The following NR2F1-AS1 variants were observed in gnomAD, a reference collection of about 807,000 sequenced individuals.
NR2F1-AS1 encodes the protein NR2F1 antisense RNA 1.
chr5:93,570,869 C>A (rs1169882712), intron 1 of NR2F1-AS1: 3 of 152,196 alleles, frequency 2.0e-5, no homozygotes, highest in Non-Finnish European at 4.4e-5. Flanking sequence ...CCGCTCCCTG[C>A]GGGGCCGCGC....
intron 4 of NR2F1-AS1, among the ~76,000 whole-genome samples, chr5:93,506,001 C>T (rs1233144467): frequency 6.6e-6 from 1 of 152,174 alleles, no homozygotes; most frequent in Non-Finnish European, 1.5e-5. Context: ...TCATCAGGAA[C>T]TTTTATGCTC....
intron 2 of NR2F1-AS1, among the ~76,000 whole-genome samples, chr5:93,558,416 G>A (rs1245686282): frequency 6.6e-6 from 1 of 151,766 alleles, no homozygotes; most frequent in Non-Finnish European, 1.5e-5. Flanking sequence ...CACCCCCTGG[G>A]TTCAAGCAAT....
chr5:93,481,037 C>A (rs866041776), intron 4 of NR2F1-AS1, among the ~76,000 whole-genome samples: 2 of 151,550 alleles, frequency 1.3e-5, no homozygotes, highest in African/African-American at 4.8e-5. Flanking sequence ...GCACTATAAG[C>A]GTAAATGAAT....
chr5:93,461,847 G>A (rs1750101668), intron 4 of NR2F1-AS1, among the ~76,000 whole-genome samples: 1 of 152,060 alleles, frequency 6.6e-6, no homozygotes, highest in Non-Finnish European at 1.5e-5. Context: ...TAGACAAGCT[G>A]AGTTACTAAA....
intron 4 of NR2F1-AS1, among the ~76,000 whole-genome samples, chr5:93,437,229 C>T (rs1015865159): frequency 6.6e-6 from 1 of 151,920 alleles, no homozygotes; most frequent in African/African-American, 2.4e-5. Flanking sequence ...TGAGCACTTG[C>T]AATGTGTCAA....
At chr5:93,462,797 A>C (rs1432960433) in intron 4 of NR2F1-AS1, among the ~76,000 whole-genome samples, 1 of 152,192 alleles carries the variant, frequency 6.6e-6, no homozygotes, top group Non-Finnish European at 1.5e-5. Flanking sequence ...CTGCCACCAG[A>C]TTTGTAGAAC....
At chr5:93,468,180 T>C (rs1750282032) in intron 4 of NR2F1-AS1, among the ~76,000 whole-genome samples, 1 of 152,232 alleles carries the variant, frequency 6.6e-6, no homozygotes, top group Non-Finnish European at 1.5e-5. Context: ...AGTAATGGGA[T>C]GGCTGGGTCA....
In NR2F1-AS1 at chr5:93,450,046, G is replaced by T. The variant is rs574373143; in HGVS notation, n.639-54504C>A. 9.8e-5 allele frequency among the ~76,000 whole-genome samples: 15 copies of T among 152,290 alleles called. No homozygotes were observed. The East Asian group carries it at 2.9e-3, about 29-fold the overall frequency. ...GAGATTTTAGTGGCCTCAAAGAATTGCTTTGTAGCATATTGAAACCTGTTA... is the reference window on the plus strand; with the variant it reads ...GAGATTTTAGTGGCCTCAAAGAATTTCTTTGTAGCATATTGAAACCTGTTA... On this transcript the variant is annotated intron_variant and non_coding_transcript_variant, in intron 4 of 5. Transcript: ENST00000660523.
chr5:93,468,050 A>G (rs1750278758), intron 4 of NR2F1-AS1, among the ~76,000 whole-genome samples: 3 of 152,172 alleles, frequency 2.0e-5, no homozygotes, highest in Non-Finnish European at 4.4e-5. Context: ...AATCCAGTCT[A>G]TCATTGATGG....
chr5:93,494,340 G>A (rs1002650695), intron 4 of NR2F1-AS1, among the ~76,000 whole-genome samples: 2 of 152,158 alleles, frequency 1.3e-5, no homozygotes, highest in Admixed American at 6.5e-5. Flanking sequence ...AATAAAAAAT[G>A]TTGGCAAGAG....
At chr5:93,580,053 C>G (rs890937916) in intron 1 of NR2F1-AS1, among the ~76,000 whole-genome samples, 2 of 152,216 alleles carry the variant, frequency 1.3e-5, no homozygotes, top group Non-Finnish European at 2.9e-5. Flanking sequence ...GGGCCGGACT[C>G]TGCAGCCGGC....
At chr5:93,565,190 C>A (rs1240309679) in intron 1 of NR2F1-AS1, among the ~76,000 whole-genome samples, 1 of 152,104 alleles carries the variant, frequency 6.6e-6, no homozygotes. Context: ...CCTTTCTTGG[C>A]CTCTGTCTTT....
intron 1 of NR2F1-AS1, among the ~76,000 whole-genome samples, chr5:93,567,744 G>A (rs1392105156): frequency 6.6e-6 from 1 of 152,138 alleles, no homozygotes. Flanking sequence ...ATTTAAAGAG[G>A]ATAGATTTCA....
At chr5:93,483,751 C>T (rs1750652796) in intron 4 of NR2F1-AS1, among the ~76,000 whole-genome samples, 1 of 152,128 alleles carries the variant, frequency 6.6e-6, no homozygotes, top group South Asian at 2.1e-4. Context: ...TAGAGAAGAA[C>T]ATAAATGACC....
chr5:93,524,317 AAAAGGAATGAAC>A (rs1477416154), intron 4 of NR2F1-AS1, among the ~76,000 whole-genome samples: 1 of 152,098 alleles, frequency 6.6e-6, no homozygotes, highest in African/African-American at 2.4e-5. Flanking sequence ...AAAAAGAATG[AAAAGGAATGAAC>A]AAAGCCTCCA....
At chr5:93,493,575 T>C (rs1428907063) in intron 4 of NR2F1-AS1, among the ~76,000 whole-genome samples, 1 of 152,000 alleles carries the variant, frequency 6.6e-6, no homozygotes, top group East Asian at 1.9e-4. Context: ...GTTGGAAGAC[T>C]CAAAATTCCC....
At chr5:93,476,437 G>T (rs955323445) in intron 4 of NR2F1-AS1, among the ~76,000 whole-genome samples, 2 of 152,024 alleles carry the variant, frequency 1.3e-5, no homozygotes, top group Non-Finnish European at 2.9e-5. Context: ...TGAATTCATT[G>T]GCCCCACAGT....
At chr5:93,506,262 A>G (rs1231508051) in intron 4 of NR2F1-AS1, among the ~76,000 whole-genome samples, 2 of 152,150 alleles carry the variant, frequency 1.3e-5, no homozygotes, top group African/African-American at 4.8e-5. Flanking sequence ...CTTATTGTTC[A>G]TATCACTATC....
At chr5:93,563,078 T>C (rs1752531985) in intron 2 of NR2F1-AS1, among the ~76,000 whole-genome samples, 1 of 152,244 alleles carries the variant, frequency 6.6e-6, no homozygotes, top group Admixed American at 6.5e-5. Flanking sequence ...ATGCTGGTTT[T>C]GAAATAATCT....
Sources: gnomAD v4.1 joint callset for allele counts (sites outside exome capture counted in the v4.1 genomes callset) on GRCh38, gnomAD v4.1.1 for gene constraint, MANE v1.5 for transcripts, NCBI Gene and HGNC (gene_info 2026-07-23, HGNC 2026-07-21) for gene names.